The following GOT1 variants were observed in gnomAD, a reference collection of about 807,000 sequenced individuals.
GOT1 encodes the protein glutamic-oxaloacetic transaminase 1.
In GOT1, 25 loss-of-function variants were observed where a neutral mutation model predicts 48.2. The observed-to-expected ratio is 0.52, with a 90% CI of 0.38 to 0.72. GOT1 has a LOEUF of 0.72. GOT1 is among the 30% of genes least tolerant of loss of function. The pLI is 0.00. For synonymous variants in GOT1, 188 were observed against 193.8 expected (o/e 0.97, Z 0.25); for missense variants, 380 against 520.1 (o/e 0.73, Z 2.62).
intron 4 of GOT1, 135 bp from the exon 5 acceptor site, chr10:99,405,995 T>C: frequency 1.2e-6 from 1 of 801,174 alleles, no homozygotes; most frequent in Non-Finnish European, 2.2e-6. Context: ...TTTTGTGCCC[T>C]CTCTCTTACA....
intron 1 of GOT1, among the ~76,000 whole-genome samples, chr10:99,421,736 A>ACCCCTCTG (rs2032970744): frequency 6.6e-6 from 1 of 152,080 alleles, no homozygotes; most frequent in Non-Finnish European, 1.5e-5. Flanking sequence ...GGCAGGGGTC[A>ACCCCTCTG]TTTGCCTCTC....
intron 2 of GOT1, among the ~76,000 whole-genome samples, chr10:99,417,110 A>C (rs1482669002): frequency 2.6e-5 from 4 of 152,280 alleles, no homozygotes; most frequent in Non-Finnish European, 5.9e-5. Flanking sequence ...GCTTCTGCAC[A>C]GCAAAAGAAA....
chr10:99,413,269 T>C (rs2032850799), intron 2 of GOT1, among the ~76,000 whole-genome samples: 1 of 152,146 alleles, frequency 6.6e-6, no homozygotes, highest in Non-Finnish European at 1.5e-5. Context: ...CTGAAAACCA[T>C]GGCACGAGAA....
chr10:99,407,897 A>G (rs1174955204), intron 2 of GOT1, among the ~76,000 whole-genome samples: 2 of 151,936 alleles, frequency 1.3e-5, no homozygotes, highest in Non-Finnish European at 2.9e-5. Context: ...GCACCCATCA[A>G]CCCGTCATCT....
chr10:99,405,163 C>T (rs1051527394), intron 5 of GOT1, among the ~76,000 whole-genome samples: 4 of 152,092 alleles, frequency 2.6e-5, no homozygotes, highest in African/African-American at 9.7e-5. Context: ...CCACAGTGTC[C>T]AATACACAGC....
At position 99,420,768 on chromosome 10, in the gene GOT1, T is replaced by A. The variant is rs1391532434; in HGVS notation, c.156A>T (p.Pro52=). The change falls in exon 2 of 9, where the codon CCA becomes CCT. Residue 52 remains proline, a synonymous_variant. Coordinates refer to ENST00000370508, the MANE Select transcript of GOT1 (RefSeq NM_002079.3). ...TCTTCTGCTCCACTTTCTTCACTAC[T>A]GGCAAAACCCAGGGATGGCAGTCAT... ...RTDDCHPWVL[P]VVKKVEQKIA... 1 of 1,613,888 alleles carries A rather than the reference T, an allele frequency of 6.2e-7. No homozygotes were observed. Among genetic ancestry groups the A allele is most frequent in the African/African-American group, 1.3e-5 (1 of 74,882 alleles).
At chr10:99,424,882 G>A (rs146887587) in intron 1 of GOT1, among the ~76,000 whole-genome samples, 6 of 152,288 alleles carry the variant, frequency 3.9e-5, no homozygotes, top group African/African-American at 1.2e-4. Context: ...CTGGAGCAGT[G>A]GGGTCAGGCA....
In GOT1 at chr10:99,430,477, T is replaced by C; in HGVS notation, c.89A>G (p.Asp30Gly). The change falls in exon 1 of 9, where the codon GAC becomes GGC. Residue 30 changes from aspartate (D) to glycine (G), a missense_variant. Physicochemically the swap from Asp to Gly is moderately conservative, Grantham distance 94. Transcript: ENST00000370508. ...KLTADFREDP[D>G]PRKVNLGVGA... ...CACTCCCAGGTTGACCTTGCGGGGG[T>C]CCGGATCCTCCCTGAAGTCGGCAGT... The C allele has an allele frequency of 6.2e-7, 1 of 1,611,142 alleles. No individual in the cohort carries two copies.
Position 99,397,458 on chromosome 10 carries a change from A to C in GOT1, c.*89T>G, listed in dbSNP as rs2032615600. 1.5e-6 allele frequency: 2 copies of C among 1,374,252 alleles called. No homozygotes were observed. The highest frequency in any genetic ancestry group is 2.1e-6 in the Non-Finnish European group (2 of 969,278). 85.1% of individuals were successfully genotyped at this position (1,374,252 alleles called of 1,614,324 possible). On this transcript the variant is annotated 3_prime_UTR_variant, in exon 9 of 9. Coordinates refer to ENST00000370508, the MANE Select transcript of GOT1 (RefSeq NM_002079.3). The surrounding 1 kb of genome is among the most constrained non-coding windows in gnomAD (Gnocchi z 5.4). The stretch of plus-strand genomic sequence containing the variant: ...GCCTTTCAGTCCTGCAAGTGTCTCT[A>C]ATCCATGGTATGTACATGTAGGTTT...
Position 99,397,468 on chromosome 10 carries a change from A to C in GOT1, c.*79T>G. 1 of 1,421,594 alleles carries C rather than the reference A, an allele frequency of 7.0e-7. No homozygotes were observed. The highest frequency in any genetic ancestry group is 9.9e-7 in the Non-Finnish European group (1 of 1,008,984). The allele number at this position is 1,421,594 out of a possible 1,614,324, so 88.1% of individuals were successfully genotyped here. On this transcript the variant is annotated 3_prime_UTR_variant, in exon 9 of 9. Transcript: ENST00000370508. This position sits in a 1 kb window ranked among gnomAD's most constrained non-coding sequence, Gnocchi z 5.4. ...CCTGCAAGTGTCTCTAATCCATGGTATGTACATGTAGGTTTGTGCAGGCAG... is the reference window on the plus strand; with the variant it reads ...CCTGCAAGTGTCTCTAATCCATGGTCTGTACATGTAGGTTTGTGCAGGCAG...
chr10:99,415,720 A>T (rs1242929905), intron 2 of GOT1, among the ~76,000 whole-genome samples: 1 of 152,244 alleles, frequency 6.6e-6, no homozygotes, highest in Non-Finnish European at 1.5e-5. Context: ...CAAATCCAGC[A>T]GCACATCAAA....
rs150825733 is a variant in GOT1 at position 99,411,099 on chromosome 10, C to T, written c.301-4250G>A. ...CTCTCACGGCATCTGGCACATGGTA[C>T]TACATAAGCATGTGCTGAACTAGAT... On this transcript the variant is annotated intron_variant, in intron 2 of 8. Transcript: ENST00000370508. 1.3e-3 allele frequency among the ~76,000 whole-genome samples: 205 copies of T among 152,328 alleles called. 1 individual carries two copies. Among genetic ancestry groups the T allele is most frequent in the African/African-American group, 1.0e-3 (42 of 41,576 alleles).
intron 2 of GOT1, among the ~76,000 whole-genome samples, chr10:99,407,976 G>A (rs1402340889): frequency 6.6e-6 from 1 of 150,644 alleles, no homozygotes; most frequent in Admixed American, 6.6e-5. Flanking sequence ...CCCACCCACC[G>A]ATAGGCCCCC....
intron 1 of GOT1, among the ~76,000 whole-genome samples, chr10:99,421,284 T>C (rs1486273445): frequency 6.6e-6 from 1 of 152,154 alleles, no homozygotes; most frequent in African/African-American, 2.4e-5. Flanking sequence ...CCTGGCACCT[T>C]TAACACAAAC....
At chr10:99,399,233 C>A (rs2032640137) in intron 8 of GOT1, among the ~76,000 whole-genome samples, 1 of 151,936 alleles carries the variant, frequency 6.6e-6, no homozygotes, top group Admixed American at 6.6e-5. Flanking sequence ...GAGTGTGATG[C>A]CTTTAAAGGT....
intron 2 of GOT1, among the ~76,000 whole-genome samples, chr10:99,411,305 C>T (rs1338394690): frequency 6.6e-6 from 1 of 152,146 alleles, no homozygotes; most frequent in Non-Finnish European, 1.5e-5. Context: ...GATGAAAAAT[C>T]GACATTTCTG....
Position 99,420,667 on chromosome 10 carries a change from C to T in GOT1, c.257G>A (p.Arg86His), listed in dbSNP as rs146802616. Residue 86 changes from arginine (R) to histidine (H), a missense_variant, in exon 2 of 9, where the codon CGT becomes CAT. Physicochemically the swap from Arg to His is conservative, Grantham distance 29 (BLOSUM62 0). Coordinates refer to ENST00000370508, the MANE Select transcript of GOT1 (RefSeq NM_002079.3). ...TGGGCTGTCATCCCCAAGGGCAAGA[C>T]GAGAAGCACAGCTCCGGAACTCAGC... ...GLAEFRSCASRLALGDDSPAL... is the reference protein window; with the variant it reads ...GLAEFRSCASHLALGDDSPAL... The T allele has an allele frequency of 1.7e-4, 276 of 1,613,892 alleles. No homozygotes were observed. The highest frequency in any genetic ancestry group is 2.7e-4 in the Admixed American group (16 of 59,970).
intron 2 of GOT1, among the ~76,000 whole-genome samples, chr10:99,419,897 C>G (rs1008641072): frequency 2.6e-5 from 4 of 152,332 alleles, no homozygotes; most frequent in African/African-American, 9.6e-5. Flanking sequence ...CTTCCTGGAA[C>G]ACACAGCCTA....
intron 2 of GOT1, among the ~76,000 whole-genome samples, chr10:99,414,921 C>A (rs1346560218): frequency 2.6e-5 from 4 of 151,336 alleles, no homozygotes; most frequent in Admixed American, 2.0e-4. Flanking sequence ...ATACCAGAAT[C>A]TCTGGGACAC....
Sources: allele counts gnomAD v4.1 joint callset (sites outside exome capture counted in the v4.1 genomes callset), GRCh38; gene constraint gnomAD v4.1.1; non-coding constraint Gnocchi (gnomAD v3.1); transcripts MANE v1.5; gene names NCBI Gene and HGNC (gene_info 2026-07-23, HGNC 2026-07-21).